ANK3: variants seen among roughly 807,000 people sequenced by gnomAD.
ANK3 encodes the protein ankyrin 3.
ANK3 carries 57 observed loss-of-function variants against 370.9 expected under a neutral mutation model. The observed-to-expected ratio is 0.15, with a 90% CI of 0.12 to 0.19. ANK3 has a LOEUF of 0.19. Among genes scored for constraint, ANK3 ranks in the 10% least tolerant of loss-of-function variants. The pLI is 1.00. For synonymous variants in ANK3, 1,929 were observed against 1,946.3 expected (o/e 0.99, Z 0.23); for missense variants, 4,439 against 5,302.1 (o/e 0.84, Z 5.06).
intron 25 of ANK3, among the ~76,000 whole-genome samples, chr10:60,126,424 GCCTGTAAT>G (rs1278022143): frequency 6.6e-6 from 1 of 152,026 alleles, no homozygotes; most frequent in Non-Finnish European, 1.5e-5. Flanking sequence ...GGTGGCTCAC[GCCTGTAAT>G]CTCAGCACTT....
Position 60,208,040 on chromosome 10 carries a change from G to T in ANK3, c.1190C>A (p.Ala397Asp), listed in dbSNP as rs1337871005. ...LDKKANPNAK[A>D]LNGFTPLHIA... is the part of the protein sequence containing the mutation. Reference sequence around the variant, plus strand: ...CTCGCTGGTTGAGCCACTCACCAGGGCTTTGGCATTGGGGTTAGCTTTCTT... The same window carrying T: ...CTCGCTGGTTGAGCCACTCACCAGGTCTTTGGCATTGGGGTTAGCTTTCTT... Residue 397 changes from alanine (A) to aspartate (D), a missense_variant, in exon 10 of 44, where the codon GCC (alanine) becomes GAC (aspartate). By Grantham distance (126) the Ala-to-Asp change is moderately radical. Coordinates refer to ENST00000280772, the MANE Select transcript of ANK3 (RefSeq NM_020987.5). 6.2e-7 allele frequency: 1 copy of T among 1,613,324 alleles called. No individual in the cohort carries two copies. Among genetic ancestry groups the T allele is most frequent in the Non-Finnish European group, 8.5e-7 (1 of 1,179,892 alleles).
chr10:60,278,291 C>A (rs1324000187), intron 4 of ANK3, among the ~76,000 whole-genome samples: 1 of 152,174 alleles, frequency 6.6e-6, no homozygotes, highest in African/African-American at 2.4e-5. Flanking sequence ...TGACTAGTAT[C>A]TTTTATAGAT....
chr10:60,383,119 G>A (rs1410065832), intron 1 of ANK3, among the ~76,000 whole-genome samples: 1 of 151,942 alleles, frequency 6.6e-6, no homozygotes, highest in Non-Finnish European at 1.5e-5. Context: ...ACAGGCCTTG[G>A]TTCCAAGACC....
In ANK3 at chr10:60,339,281, G is replaced by A. The variant is rs555240950; in HGVS notation, c.114+50144C>T. Among the ~76,000 whole-genome samples the A allele has an allele frequency of 1.1e-4, 17 of 152,262 alleles. No homozygotes were observed. The South Asian group carries it at 1.2e-3, about 11-fold the overall frequency. On this transcript the variant is annotated intron_variant, in intron 1 of 43. Coordinates refer to ENST00000280772, the MANE Select transcript of ANK3 (RefSeq NM_020987.5). ...CTGGATTGTGGAATAAAATTAAAAT[G>A]TTAATAGAGAGATAAAGCATCAGCA...
intron 2 of ANK3, among the ~76,000 whole-genome samples, chr10:60,598,927 T>C (rs1225533151): frequency 6.6e-6 from 1 of 152,018 alleles, no homozygotes; most frequent in South Asian, 2.1e-4. Flanking sequence ...GTTATTTGTG[T>C]TGTTGTTGTT....
At chr10:60,104,672 C>T (rs186009124) in intron 28 of ANK3, among the ~76,000 whole-genome samples, 2 of 152,258 alleles carry the variant, frequency 1.3e-5, no homozygotes, top group Admixed American at 1.3e-4. Flanking sequence ...AATTACTATT[C>T]TCCCTCTACC....
intron 8 of ANK3, among the ~76,000 whole-genome samples, chr10:60,229,347 T>C (rs10740017): frequency 0.5 from 75,814 of 152,070 alleles, 20,459 homozygotes; most frequent in East Asian, 0.79. Flanking sequence ...GGAAGTACTG[T>C]TTTAGAATTT....
At chr10:60,659,533 C>T (rs1290212705) in intron 1 of ANK3, among the ~76,000 whole-genome samples, 2 of 152,082 alleles carry the variant, frequency 1.3e-5, no homozygotes, top group African/African-American at 4.8e-5. Context: ...TGGAAGTAGT[C>T]GGCAGTTGTA....
At chr10:60,502,708 G>T (rs1220393172) in intron 2 of ANK3, among the ~76,000 whole-genome samples, 1 of 149,270 alleles carries the variant, frequency 6.7e-6, no homozygotes, top group Admixed American at 6.8e-5. Flanking sequence ...AGGGAGGGAA[G>T]GAGGGAAGGA....
At chr10:60,667,744 C>T (rs1001577527) in intron 1 of ANK3, among the ~76,000 whole-genome samples, 3 of 151,474 alleles carry the variant, frequency 2.0e-5, no homozygotes, top group Non-Finnish European at 2.9e-5. Flanking sequence ...GGGTTTGGAA[C>T]CTCTAGGTTT....
In ANK3 at chr10:60,729,810, A is replaced by T. The variant is rs80273117; in HGVS notation, c.57+3453T>A. ...GCTTTCTTCTTGTCCATCACACCAC[A>T]TGACACTTGGTAATTAATCCATATA... On this transcript the variant is annotated intron_variant, in intron 1 of 43. Transcript: ENST00000373827. Among the ~76,000 whole-genome samples the T allele has an allele frequency of 9.5e-3, 1,440 of 152,318 alleles. 26 individuals are homozygous for T. Among genetic ancestry groups the T allele is most frequent in the African/African-American group, 0.033 (1,356 of 41,566 alleles).
chr10:60,636,133 G>A (rs1410223209), intron 1 of ANK3, among the ~76,000 whole-genome samples: 1 of 152,008 alleles, frequency 6.6e-6, no homozygotes, highest in African/African-American at 2.4e-5. Flanking sequence ...TGGCAAGCTG[G>A]AAATTTAAAT....
At chr10:60,065,476 A>T (rs989421122) in intron 38 of ANK3, among the ~76,000 whole-genome samples, 6 of 152,208 alleles carry the variant, frequency 3.9e-5, no homozygotes, top group Non-Finnish European at 7.4e-5. Flanking sequence ...ATTTTGCAAA[A>T]TGCATTCAGA....
At chr10:60,321,197 C>G (rs10994300) in intron 1 of ANK3, among the ~76,000 whole-genome samples, 13,670 of 151,934 alleles carry the variant, frequency 0.09, 928 homozygotes, top group East Asian at 0.2. Flanking sequence ...TGAGACCAGC[C>G]TGGCAGCATG....
intron 2 of ANK3, among the ~76,000 whole-genome samples, chr10:60,587,270 G>A (rs921755866): frequency 3.3e-5 from 5 of 152,094 alleles, no homozygotes; most frequent in African/African-American, 1.2e-4. Context: ...AACACCTGGC[G>A]ATTACAATTT....
chr10:60,427,135 A>G (rs2063905804), intron 2 of ANK3, among the ~76,000 whole-genome samples: 1 of 152,196 alleles, frequency 6.6e-6, no homozygotes, highest in South Asian at 2.1e-4. Context: ...ACAGAGTCAG[A>G]GCAATATTTA....
In ANK3 at chr10:60,224,939, A is replaced by G. The variant is rs755085314; in HGVS notation, c.897+9749T>C. Among the ~76,000 whole-genome samples, 20 of 147,084 alleles carry G rather than the reference A, an allele frequency of 1.4e-4. 1 individual carries two copies. The highest frequency in any genetic ancestry group is 1.3e-3 in the Admixed American group (19 of 14,508). ...TTTTTTTTTTCTTTTTTTTTGAGACAAAGTCTTGTTGTCACCCAGGCTGGA... is the reference window on the plus strand; with the variant it reads ...TTTTTTTTTTCTTTTTTTTTGAGACGAAGTCTTGTTGTCACCCAGGCTGGA... On this transcript the variant is annotated intron_variant, in intron 8 of 43. Transcript: ENST00000280772.
chr10:60,411,867 T>C lies in ANK3; in HGVS notation c.97-132228A>G, dbSNP rs187542041. ...AAAGTGCTTAATCCAGTAAGTACTA[T>C]ATAAAAATAAGGAGTCAAATTTAAA... is the stretch of plus-strand genomic sequence containing the variant. On this transcript the variant is annotated intron_variant, in intron 2 of 43. Transcript: ENST00000373827. 2.4e-4 allele frequency among the ~76,000 whole-genome samples: 36 copies of C among 152,282 alleles called. No individual in the cohort carries two copies. The East Asian group carries it at 6.8e-3, about 29-fold the overall frequency.
At chr10:60,086,066 A>G (rs1294466100) in intron 30 of ANK3, among the ~76,000 whole-genome samples, 1 of 152,252 alleles carries the variant, frequency 6.6e-6, no homozygotes, top group East Asian at 1.9e-4. Context: ...AACAAAATCT[A>G]TCTTTAATAA....
Sources: gnomAD v4.1 joint callset for allele counts (sites outside exome capture counted in the v4.1 genomes callset) on GRCh38, gnomAD v4.1.1 for gene constraint, MANE v1.5 for transcripts, NCBI Gene and HGNC (gene_info 2026-07-23, HGNC 2026-07-21) for gene names.